The following CPEB3 variants were observed in gnomAD, a reference collection of about 807,000 sequenced individuals.
The protein encoded by CPEB3 is cytoplasmic polyadenylation element-binding protein 3.
In CPEB3, 20 loss-of-function variants were observed where a neutral mutation model predicts 67.2. That is an observed-to-expected ratio of 0.30 (90% CI 0.21 to 0.43). The LOEUF (loss-of-function observed/expected upper bound fraction) is 0.43, where lower values mean the gene tolerates loss of function less well. Ranked by LOEUF, CPEB3 falls within the 20% of genes least tolerant of loss-of-function variation. CPEB3 has a pLI of 1.00. For missense variants in CPEB3, 746 were observed against 968.6 expected (o/e 0.77, Z 3.05); for synonymous variants, 376 against 393.1 (o/e 0.96, Z 0.51).
At chr10:92,135,025 A>T (rs192579559) in intron 6 of CPEB3, among the ~76,000 whole-genome samples, 1 of 152,362 alleles carries the variant, frequency 6.6e-6, no homozygotes, top group East Asian at 1.9e-4. Context: ...AAGATGGATT[A>T]AAGACTTAAA....
At chr10:92,121,229 T>G (rs1192373446) in intron 6 of CPEB3, among the ~76,000 whole-genome samples, 1 of 149,660 alleles carries the variant, frequency 6.7e-6, no homozygotes, top group Non-Finnish European at 1.5e-5. Context: ...AGGATGGTCT[T>G]GATTTCTTGA....
At chr10:92,080,935 T>C (rs1335813901) in intron 9 of CPEB3, among the ~76,000 whole-genome samples, 2 of 152,164 alleles carry the variant, frequency 1.3e-5, no homozygotes. Flanking sequence ...CAACATCTCA[T>C]ACATACTCCT....
At chr10:92,140,390 T>C (rs984894618) in intron 6 of CPEB3, among the ~76,000 whole-genome samples, 48 of 152,194 alleles carry the variant, frequency 3.2e-4, no homozygotes, top group Non-Finnish European at 5.4e-4. Flanking sequence ...AAGGATTCCC[T>C]ATTTAATAAA....
chr10:92,241,435 T>G (rs752726854), intron 1 of CPEB3, among the ~76,000 whole-genome samples: 2 of 152,210 alleles, frequency 1.3e-5, no homozygotes, highest in African/African-American at 4.8e-5. Flanking sequence ...CACAAGACTT[T>G]GGCAAATTTA....
chr10:92,138,315 G>A, intron 6 of CPEB3: 1 of 217,794 alleles, frequency 4.6e-6, no homozygotes, highest in Non-Finnish European at 9.8e-6. Context: ...AAGAAACTGA[G>A]ACCTTATACA....
intron 2 of CPEB3, among the ~76,000 whole-genome samples, chr10:92,223,651 G>A (rs1004017069): frequency 5.6e-5 from 7 of 125,860 alleles, no homozygotes; most frequent in Admixed American, 2.1e-4. Context: ...TCGGATCACC[G>A]CAACCTCCGC....
chr10:92,257,362 A>G (rs1852561204), intron 1 of CPEB3, among the ~76,000 whole-genome samples: 1 of 151,970 alleles, frequency 6.6e-6, no homozygotes, highest in South Asian at 2.1e-4. Context: ...TGGTACCATC[A>G]GAGCTCACTG....
chr10:92,083,299 A>T (rs1378159693), intron 8 of CPEB3, among the ~76,000 whole-genome samples: 2 of 152,228 alleles, frequency 1.3e-5, no homozygotes, highest in Non-Finnish European at 2.9e-5. Context: ...TATCTCAATT[A>T]TACCACTATG....
At chr10:92,140,071 CA>C (rs113444635) in intron 6 of CPEB3, among the ~76,000 whole-genome samples, 431 of 114,464 alleles carry the variant, frequency 3.8e-3, no homozygotes, top group African/African-American at 5.1e-3. Context: ...GACTCTGTCT[CA>C]AAAAAAAAAA....
chr10:92,093,025 T>C (rs1294525951), intron 7 of CPEB3, among the ~76,000 whole-genome samples: 1 of 152,220 alleles, frequency 6.6e-6, no homozygotes, highest in African/African-American at 2.4e-5. Flanking sequence ...CCTTAAAACA[T>C]GAGCCTTTAT....
At chr10:92,150,077 G>A (rs968946412) in intron 4 of CPEB3, among the ~76,000 whole-genome samples, 2 of 152,172 alleles carry the variant, frequency 1.3e-5, no homozygotes, top group African/African-American at 4.8e-5. Context: ...AAAGTCTGCA[G>A]AAAGGATTTA....
At chr10:92,287,481 A>G (rs1842585098) in intron 1 of CPEB3, among the ~76,000 whole-genome samples, 1 of 152,218 alleles carries the variant, frequency 6.6e-6, no homozygotes, top group Non-Finnish European at 1.5e-5. Flanking sequence ...TTCACACAAT[A>G]TGTGTCACCC....
chr10:92,169,418 C>A (rs934712766), intron 4 of CPEB3, among the ~76,000 whole-genome samples: 1 of 152,212 alleles, frequency 6.6e-6, no homozygotes, highest in Admixed American at 6.5e-5. Flanking sequence ...GGATTACAGG[C>A]GTGAGCCACT....
intron 1 of CPEB3, among the ~76,000 whole-genome samples, chr10:92,283,725 T>TC (rs201524155): frequency 0.01 from 1,395 of 134,958 alleles, 24 homozygotes; most frequent in African/African-American, 0.041. Flanking sequence ...TTTCTTTCTT[T>TC]TTTTTTTTTT....
At chr10:92,186,198 CCT>C (rs1848679152) in intron 3 of CPEB3, among the ~76,000 whole-genome samples, 1 of 145,478 alleles carries the variant, frequency 6.9e-6, no homozygotes, top group East Asian at 2.0e-4. Context: ...ATGGCGAAAC[CCT>C]GTCTCCACAA....
chr10:92,189,698 ATTTTTTTTTTTTT>A (rs1035403421), intron 3 of CPEB3, among the ~76,000 whole-genome samples: 1 of 88,056 alleles, frequency 1.1e-5, no homozygotes, highest in Non-Finnish European at 2.2e-5. Context: ...GTCTCTAGTG[ATTTTTTTTTTTTT>A]TTTTTTTTTT....
chr10:92,130,106 T>C (rs1011181763), intron 6 of CPEB3, among the ~76,000 whole-genome samples: 1 of 151,730 alleles, frequency 6.6e-6, no homozygotes, highest in Non-Finnish European at 1.5e-5. Context: ...GAAGCCTTTT[T>C]TTCATACTTA....
chr10:92,271,344 A>T (rs1224111394), intron 1 of CPEB3, among the ~76,000 whole-genome samples: 1 of 152,204 alleles, frequency 6.6e-6, no homozygotes, highest in African/African-American at 2.4e-5. Flanking sequence ...ATTAAAATTG[A>T]TTCAATATTA....
At chr10:92,290,108 G>A (rs542406135) in intron 1 of CPEB3, among the ~76,000 whole-genome samples, 5 of 151,800 alleles carry the variant, frequency 3.3e-5, no homozygotes, top group African/African-American at 9.7e-5. Flanking sequence ...CATATAAAAA[G>A]AGCTTTAAAA....
Sources: allele counts gnomAD v4.1 joint callset (sites outside exome capture counted in the v4.1 genomes callset), GRCh38; gene constraint gnomAD v4.1.1; transcripts MANE v1.5; gene names NCBI Gene and HGNC (gene_info 2026-07-23, HGNC 2026-07-21).